ETFDH: variants seen among roughly 807,000 people sequenced by gnomAD.
ETFDH encodes the protein electron transfer flavoprotein dehydrogenase.
ETFDH carries 61 observed loss-of-function variants against 73.2 expected under a neutral mutation model. The ratio of observed to expected loss-of-function variants is 0.83; its 90% CI spans 0.68 to 1.03. The LOEUF is 1.03. Among genes scored for constraint, ETFDH ranks in the 50% least tolerant of loss-of-function variants. The probability of loss-of-function intolerance (pLI) is 0.00; values close to 1 mark genes in which losing one functional copy is unlikely to be tolerated. For synonymous variants in ETFDH, 243 were observed against 253.3 expected (o/e 0.96, Z 0.39); for missense variants, 685 against 745.0 (o/e 0.92, Z 0.94).
chr4:158,697,462 A>G (rs1774337215), intron 7 of ETFDH, 97 bp from the exon 8 acceptor site: 1 of 979,754 alleles, frequency 1.0e-6, no homozygotes, highest in Non-Finnish European at 1.6e-6. Context: ...ATTTTCATAA[A>G]TAAGACATTA....
chr4:158,678,932 G>A (rs909408380), intron 1 of ETFDH, among the ~76,000 whole-genome samples: 3 of 152,044 alleles, frequency 2.0e-5, no homozygotes, highest in Non-Finnish European at 4.4e-5. Flanking sequence ...TTACAGTCAT[G>A]AGCCACTGTG....
intron 7 of ETFDH, 61 bp downstream of exon 7, chr4:158,695,704 TATC>T (rs1282714498): frequency 1.5e-5 from 18 of 1,164,628 alleles, no homozygotes; most frequent in Non-Finnish European, 2.3e-5. Flanking sequence ...TTATTTGTAT[TATC>T]AGGTAGTTTA....
chr4:158,672,843 A>G (rs2150300806), intron 1 of ETFDH, among the ~76,000 whole-genome samples: 1 of 152,300 alleles, frequency 6.6e-6, no homozygotes, highest in Admixed American at 6.5e-5. Flanking sequence ...TGGAAAAAAA[A>G]AAATCGTATT....
intron 6 of ETFDH, among the ~76,000 whole-genome samples, chr4:158,692,858 T>TAAA (rs1221153945): frequency 1.0e-5 from 1 of 98,582 alleles, no homozygotes. Flanking sequence ...AGACTCCATC[T>TAAA]AAAAAAAAAA....
At chr4:158,682,040 T>C (rs1390065649) in intron 2 of ETFDH, 155 bp from the exon 3 acceptor site, 3 of 935,500 alleles carry the variant, frequency 3.2e-6, no homozygotes, top group Non-Finnish European at 4.9e-6. Flanking sequence ...ATAATCATAC[T>C]AATACAGTAA....
At chr4:158,675,579 C>G (rs1773691269) in intron 1 of ETFDH, among the ~76,000 whole-genome samples, 1 of 152,038 alleles carries the variant, frequency 6.6e-6, no homozygotes, top group African/African-American at 2.4e-5. Context: ...TCAGCTTACA[C>G]AACCCAGTGA....
In ETFDH at chr4:158,685,196, T is replaced by G. The variant is rs970167215; in HGVS notation, c.583T>G (p.Tyr195Asp). 1 of 1,604,642 alleles carries G rather than the reference T, an allele frequency of 6.2e-7. No homozygotes were observed. The highest frequency in any genetic ancestry group is 8.5e-7 in the Non-Finnish European group (1 of 1,171,506). The change falls in exon 5 of 13, where the codon TAC becomes GAC. Residue 195 changes from tyrosine (Y) to aspartate (D), a missense_variant. Physicochemically the swap from Tyr to Asp is radical, Grantham distance 160. Transcript: ENST00000511912. ...AGCAGAAGCCCTTGGTGTTGAAGTATACCCTGGTTATGCAGCTGCTGAGGT... is the reference window on the plus strand; with the variant it reads ...AGCAGAAGCCCTTGGTGTTGAAGTAGACCCTGGTTATGCAGCTGCTGAGGT... Reference protein sequence around the residue: ...EQAEALGVEVYPGYAAAEVLF... With the variant: ...EQAEALGVEVDPGYAAAEVLF...
At chr4:158,692,160 G>C (rs570448120) in intron 6 of ETFDH, among the ~76,000 whole-genome samples, 4 of 152,220 alleles carry the variant, frequency 2.6e-5, no homozygotes, top group African/African-American at 9.6e-5. Context: ...TTGGGAGGCT[G>C]AGGCAGGCAG....
In ETFDH at chr4:158,697,688, C is replaced by T; in HGVS notation, c.961C>T (p.Leu321Phe). The change falls in exon 8 of 13, where the codon CTT (leucine) becomes TTT (phenylalanine). Residue 321 changes from leucine (L) to phenylalanine (F), a missense_variant. Around this residue, in one of 3 missense-constraint regions of ETFDH, gnomAD observed 405 missense variants for 399.3 expected, o/e 1.01. Coordinates refer to ENST00000511912, the MANE Select transcript of ETFDH (RefSeq NM_004453.4). ...HLNEGEPLVA[L>F]GLVVGLDYQN... is the part of the protein sequence containing the mutation. Reference sequence around the variant, plus strand: ...GAATGAAGGTGAACCCCTAGTAGCTCTTGGTCTTGTGGTAAGTTATATTCC... The same window carrying T: ...GAATGAAGGTGAACCCCTAGTAGCTTTTGGTCTTGTGGTAAGTTATATTCC... 2 of 1,613,700 alleles carry T rather than the reference C, an allele frequency of 1.2e-6. No individual in the cohort carries two copies. The highest frequency in any genetic ancestry group is 8.5e-7 in the Non-Finnish European group (1 of 1,179,728).
chr4:158,694,996 A>G (rs886650421), intron 6 of ETFDH, among the ~76,000 whole-genome samples: 20 of 152,194 alleles, frequency 1.3e-4, no homozygotes, highest in Non-Finnish European at 1.6e-4. Context: ...GGTCTTCCAT[A>G]TATTCGGGTT....
At chr4:158,703,211 A>G (rs1489570303) in intron 9 of ETFDH, among the ~76,000 whole-genome samples, 1 of 152,236 alleles carries the variant, frequency 6.6e-6, no homozygotes, top group African/African-American at 2.4e-5. Flanking sequence ...AAACTCTCAC[A>G]GAAAAATAGT....
At chr4:158,680,262 T>C (rs1280200328) in intron 1 of ETFDH, among the ~76,000 whole-genome samples, 1 of 152,074 alleles carries the variant, frequency 6.6e-6, no homozygotes, top group Non-Finnish European at 1.5e-5. Context: ...ATGAGCTAAA[T>C]TGAATAAATT....
intron 6 of ETFDH, 118 bp from the exon 7 acceptor site, chr4:158,695,379 A>G (rs1309542109): frequency 3.0e-6 from 2 of 676,616 alleles, no homozygotes; most frequent in East Asian, 2.8e-5. Context: ...TCTTTATAAT[A>G]TTATACATTT....
chr4:158,704,300 C>T (rs1774548499), intron 10 of ETFDH, among the ~76,000 whole-genome samples: 1 of 152,158 alleles, frequency 6.6e-6, no homozygotes, highest in Non-Finnish European at 1.5e-5. Flanking sequence ...TAAGTATAGG[C>T]CTATGACTCT....
chr4:158,678,993 C>T (rs887218915), intron 1 of ETFDH, among the ~76,000 whole-genome samples: 6 of 151,988 alleles, frequency 3.9e-5, no homozygotes, highest in South Asian at 2.1e-4. Flanking sequence ...ATAAAATCTT[C>T]GATCAAATAT....
At chr4:158,675,565 G>C (rs778408645) in intron 1 of ETFDH, among the ~76,000 whole-genome samples, 1 of 152,006 alleles carries the variant, frequency 6.6e-6, no homozygotes, top group Non-Finnish European at 1.5e-5. Flanking sequence ...CCAGGATTTC[G>C]AGATCAGCTT....
chr4:158,695,513 G>T lies in ETFDH; in HGVS notation c.701G>T (p.Gly234Val). ...DGAPKATFER[G>V]LELHAKVTIF... Reference sequence around the variant, plus strand: ...GCTTTTCAGGCAACATTTGAGAGAGGACTGGAACTACATGCTAAAGTCACA... The same window carrying T: ...GCTTTTCAGGCAACATTTGAGAGAGTACTGGAACTACATGCTAAAGTCACA... The change falls in exon 7 of 13, where the codon GGA becomes GTA. Residue 234 changes from glycine to valine, a missense_variant. Physicochemically the swap from Gly to Val is moderately radical, Grantham distance 109. Around this residue, in one of 3 missense-constraint regions of ETFDH, gnomAD observed 405 missense variants for 399.3 expected, o/e 1.01. Coordinates refer to ENST00000511912, the MANE Select transcript of ETFDH (RefSeq NM_004453.4). 6.2e-7 allele frequency: 1 copy of T among 1,613,286 alleles called. No homozygotes were observed. Among genetic ancestry groups the T allele is most frequent in the Non-Finnish European group, 8.5e-7 (1 of 1,179,444 alleles).
intron 6 of ETFDH, among the ~76,000 whole-genome samples, chr4:158,692,876 TAAAAA>T (rs201333277): frequency 6.7e-5 from 7 of 105,112 alleles, no homozygotes; most frequent in African/African-American, 2.3e-4. Flanking sequence ...AAAAAAAGAT[TAAAAA>T]AAAAAAAACA....
At position 158,709,080 on chromosome 4, in the gene ETFDH, C is replaced by G. The variant is rs1405862344; in HGVS notation, c.*553C>G. On this transcript the variant is annotated 3_prime_UTR_variant, in exon 13 of 13. Coordinates refer to ENST00000511912, the MANE Select transcript of ETFDH (RefSeq NM_004453.4). ...GTGTATTATCTATAAGTATGAAAAC[C>G]TAGCATCATCCACCATGGATACATC... 1 of 150,200 alleles carries G rather than the reference C, an allele frequency of 6.7e-6. No homozygotes were observed. Among genetic ancestry groups the G allele is most frequent in the Non-Finnish European group, 1.5e-5 (1 of 68,892 alleles). The allele number at this position is 150,200 out of a possible 1,614,324, so 9.3% of individuals were successfully genotyped here.
Sources: allele counts gnomAD v4.1 joint callset (sites outside exome capture counted in the v4.1 genomes callset), GRCh38; gene constraint gnomAD v4.1.1; regional missense constraint gnomAD v4.1.1; transcripts MANE v1.5; gene names NCBI Gene and HGNC (gene_info 2026-07-23, HGNC 2026-07-21).